The following PLA2G4A variants were observed in gnomAD, a reference collection of about 807,000 sequenced individuals.
PLA2G4A encodes phospholipase A2 group IVA.
PLA2G4A carries 40 observed loss-of-function variants against 81.9 expected under a neutral mutation model. The ratio of observed to expected loss-of-function variants is 0.49; its 90% CI spans 0.38 to 0.64. The LOEUF (loss-of-function observed/expected upper bound fraction) is 0.64, where lower values mean the gene tolerates loss of function less well. Among genes scored for constraint, PLA2G4A ranks in the 30% least tolerant of loss-of-function variants. The probability of loss-of-function intolerance (pLI) is 0.00; values close to 1 mark genes in which losing one functional copy is unlikely to be tolerated. For synonymous variants in PLA2G4A, 302 were observed against 296.9 expected (o/e 1.02, Z -0.18); for missense variants, 715 against 905.1 (o/e 0.79, Z 2.69).
At chr1:186,929,779 A>G (rs551047999) in intron 7 of PLA2G4A, among the ~76,000 whole-genome samples, 2 of 152,332 alleles carry the variant, frequency 1.3e-5, no homozygotes, top group East Asian at 3.9e-4. Context: ...ATGGGGTTAT[A>G]GGCCCAGTGT....
chr1:186,939,786 T>C (rs1328364238), intron 9 of PLA2G4A, among the ~76,000 whole-genome samples, 194 bp from the exon 10 acceptor site: 2 of 152,208 alleles, frequency 1.3e-5, no homozygotes, highest in African/African-American at 4.8e-5. Context: ...TATGATTATT[T>C]TTTAAATGAA....
intron 3 of PLA2G4A, among the ~76,000 whole-genome samples, chr1:186,875,707 A>T (rs7416329): frequency 0.61 from 92,570 of 151,900 alleles, 29,984 homozygotes; most frequent in Non-Finnish European, 0.74. Context: ...GATATTTGTG[A>T]TCCATCTAAG....
intron 15 of PLA2G4A, among the ~76,000 whole-genome samples, chr1:186,969,275 A>AT (rs1557897143): frequency 2.4e-4 from 37 of 151,150 alleles, no homozygotes; most frequent in African/African-American, 8.0e-4. Context: ...TTTATTTTTA[A>AT]TTATGGATGC....
intron 17 of PLA2G4A, among the ~76,000 whole-genome samples, chr1:186,982,698 T>C (rs932422062): frequency 6.6e-6 from 1 of 152,216 alleles, no homozygotes; most frequent in South Asian, 2.1e-4. Context: ...TGTGTGTGTG[T>C]GTGTGTTTCA....
chr1:186,939,060 G>A lies in PLA2G4A; in HGVS notation c.748G>A (p.Glu250Lys), dbSNP rs199669044. The change falls in exon 9 of 18, where the codon GAG becomes AAG. Residue 250 changes from glutamate to lysine, a missense_variant. By Grantham distance (56) the Glu-to-Lys change is moderately conservative. Transcript: ENST00000367466. ...TGATTTTCCAGAGAAAGGGCCAGAG[G>A]AGATTAATGAAGAACTAATGAAAAA... ...HPDFPEKGPE[E>K]INEELMKNVS... 2 of 1,611,430 alleles carry A rather than the reference G, an allele frequency of 1.2e-6. No individual in the cohort carries two copies. Among genetic ancestry groups the A allele is most frequent in the African/African-American group, 1.3e-5 (1 of 74,976 alleles).
chr1:186,941,575 A>G (rs1374056593), intron 10 of PLA2G4A, among the ~76,000 whole-genome samples: 1 of 152,206 alleles, frequency 6.6e-6, no homozygotes. Flanking sequence ...TAATTTGCAC[A>G]TTGCTGCTTA....
At chr1:186,831,008 TTC>T (rs1232488282) in intron 1 of PLA2G4A, among the ~76,000 whole-genome samples, 2 of 147,414 alleles carry the variant, frequency 1.4e-5, no homozygotes, top group South Asian at 2.2e-4. Flanking sequence ...CTTTCTTTCT[TTC>T]TTTCTTTCTT....
chr1:186,949,904 T>C (rs1656495769), intron 12 of PLA2G4A, among the ~76,000 whole-genome samples: 1 of 151,636 alleles, frequency 6.6e-6, no homozygotes, highest in Admixed American at 6.6e-5. Context: ...AGCATGATGG[T>C]CCATGCCTAT....
At chr1:186,913,013 A>C (rs908764914) in intron 7 of PLA2G4A, among the ~76,000 whole-genome samples, 1 of 151,016 alleles carries the variant, frequency 6.6e-6, no homozygotes, top group African/African-American at 2.4e-5. Flanking sequence ...AAAATGCCAT[A>C]AATCTTGTTA....
chr1:186,917,705 G>T (rs995515304), intron 7 of PLA2G4A, among the ~76,000 whole-genome samples: 3 of 152,138 alleles, frequency 2.0e-5, no homozygotes, highest in Non-Finnish European at 2.9e-5. Context: ...TTTTCAGTTC[G>T]TGTTGGATAA....
At chr1:186,976,366 C>T (rs183649516) in intron 15 of PLA2G4A, among the ~76,000 whole-genome samples, 50 of 152,210 alleles carry the variant, frequency 3.3e-4, no homozygotes, top group Admixed American at 7.9e-4. Flanking sequence ...TTTCTTTATC[C>T]TCTTTTGTTT....
chr1:186,838,113 A>G (rs560943980), intron 1 of PLA2G4A, among the ~76,000 whole-genome samples: 2 of 152,288 alleles, frequency 1.3e-5, no homozygotes, highest in East Asian at 3.9e-4. Flanking sequence ...CGGTGGGAAT[A>G]CAAGTCCACC....
chr1:186,908,925 A>T (rs1571389797), intron 6 of PLA2G4A, among the ~76,000 whole-genome samples: 1 of 151,406 alleles, frequency 6.6e-6, no homozygotes, highest in East Asian at 1.9e-4. Flanking sequence ...AGGAGGTGTC[A>T]TAGAGGCAAC....
At chr1:186,959,396 C>T (rs574748494) in intron 14 of PLA2G4A, among the ~76,000 whole-genome samples, 2 of 152,028 alleles carry the variant, frequency 1.3e-5, no homozygotes, top group East Asian at 1.9e-4. Flanking sequence ...TTTTGAGATA[C>T]CTGAAAATGT....
At chr1:186,980,515 G>GA (rs1281199017) in intron 17 of PLA2G4A, among the ~76,000 whole-genome samples, 5 of 152,024 alleles carry the variant, frequency 3.3e-5, no homozygotes, top group African/African-American at 4.8e-5. Flanking sequence ...TAGAAAAACA[G>GA]AAAAAAAGAA....
chr1:186,981,477 G>A (rs1487710107), intron 17 of PLA2G4A, among the ~76,000 whole-genome samples: 1 of 152,094 alleles, frequency 6.6e-6, no homozygotes, highest in Non-Finnish European at 1.5e-5. Flanking sequence ...CAACTGTCCC[G>A]ACCTATACAC....
At chr1:186,948,092 T>C (rs1656405781) in intron 12 of PLA2G4A, among the ~76,000 whole-genome samples, 1 of 152,204 alleles carries the variant, frequency 6.6e-6, no homozygotes, top group Admixed American at 6.6e-5. Context: ...TATTTGATAA[T>C]TTATTTAATA....
intron 3 of PLA2G4A, chr1:186,870,813 C>A: frequency 3.1e-6 from 3 of 982,168 alleles, no homozygotes; most frequent in South Asian, 1.4e-5. Context: ...TACTTGAGTT[C>A]CTTGACAAAT....
intron 1 of PLA2G4A, among the ~76,000 whole-genome samples, chr1:186,843,478 A>C (rs1232790002): frequency 6.6e-6 from 1 of 152,200 alleles, no homozygotes; most frequent in Non-Finnish European, 1.5e-5. Flanking sequence ...TCCGGGCCCA[A>C]CAGGAATACA....
Sources: gnomAD v4.1 joint callset for allele counts (sites outside exome capture counted in the v4.1 genomes callset) on GRCh38, gnomAD v4.1.1 for gene constraint, MANE v1.5 for transcripts, NCBI Gene and HGNC (gene_info 2026-07-23, HGNC 2026-07-21) for gene names.